Variants in NEDD9 observed in about 807,000 individuals in gnomAD.
The protein encoded by NEDD9 is neural precursor cell expressed, developmentally down-regulated 9.
In NEDD9, 26 loss-of-function variants were observed where a neutral mutation model predicts 76.6. That is an observed-to-expected ratio of 0.34 (90% CI 0.25 to 0.47). The LOEUF (loss-of-function observed/expected upper bound fraction) is 0.47, where lower values mean the gene tolerates loss of function less well. Among genes scored for constraint, NEDD9 ranks in the 20% least tolerant of loss-of-function variants. The pLI, the probability that NEDD9 is intolerant of heterozygous loss-of-function variation, is 1.00. For missense variants in NEDD9, 937 were observed against 1,058.5 expected (o/e 0.89, Z 1.59); for synonymous variants, 392 against 414.2 (o/e 0.95, Z 0.65).
intron 2 of NEDD9, among the ~76,000 whole-genome samples, chr6:11,332,544 T>C (rs1762064504): frequency 6.6e-6 from 1 of 152,244 alleles, no homozygotes; most frequent in African/African-American, 2.4e-5. Flanking sequence ...GCCTTCATTT[T>C]AGAATCATAC....
chr6:11,329,347 G>A (rs1328603903), intron 2 of NEDD9, among the ~76,000 whole-genome samples: 1 of 152,218 alleles, frequency 6.6e-6, no homozygotes, highest in East Asian at 1.9e-4. Flanking sequence ...AAGTCTCAGA[G>A]TGAAGCCCGG....
rs1041397302 is a variant in NEDD9, at chr6:11,313,555, G to C, written c.-152-7400C>G. ...AGGTGAATGGGTGGATGGATGGATA[G>C]ATGGGTGGATAGATGAATAGATGGA... is the stretch of plus-strand genomic sequence containing the variant. On this transcript the variant is annotated intron_variant, in intron 2 of 3. Coordinates refer to the NEDD9 transcript ENST00000397378. Among the ~76,000 whole-genome samples the C allele has an allele frequency of 7.6e-5, 10 of 130,954 alleles. No homozygotes were observed. The Middle Eastern group carries it at 0.011, about 141-fold the overall frequency. The allele number at this position is 130,954 out of a possible 152,430, so 85.9% of individuals were successfully genotyped here. A position where few individuals can be genotyped will look rare whatever the true frequency, so the allele number is the denominator to read the frequency against.
intron 1 of NEDD9, among the ~76,000 whole-genome samples, chr6:11,381,652 A>G (rs920673405): frequency 2.0e-5 from 3 of 152,210 alleles, no homozygotes; most frequent in African/African-American, 7.2e-5. Context: ...GACTACAGGG[A>G]TAGGACACGC....
intron 3 of NEDD9, among the ~76,000 whole-genome samples, chr6:11,265,967 T>G: frequency 6.9e-6 from 1 of 145,386 alleles, no homozygotes; most frequent in Admixed American, 7.1e-5. Flanking sequence ...CACTCATAAG[T>G]GGGAGCTAAA....
intron 1 of NEDD9, among the ~76,000 whole-genome samples, chr6:11,226,251 C>T (rs569539740): frequency 1.3e-4 from 20 of 152,050 alleles, no homozygotes; most frequent in Non-Finnish European, 2.4e-4. Context: ...AAAGTATAAA[C>T]AGGGTTTTTT....
intron 3 of NEDD9, among the ~76,000 whole-genome samples, chr6:11,261,326 T>TG (rs1367956877): frequency 6.6e-6 from 1 of 152,214 alleles, no homozygotes; most frequent in Non-Finnish European, 1.5e-5. Context: ...AACTGAGTCT[T>TG]TGGAGGATAA....
intron 2 of NEDD9, among the ~76,000 whole-genome samples, chr6:11,329,109 A>G (rs926386349): frequency 2.0e-5 from 3 of 152,240 alleles, no homozygotes; most frequent in Non-Finnish European, 4.4e-5. Flanking sequence ...TGCCTGGGTC[A>G]GAGAGAAGTG....
intron 3 of NEDD9, among the ~76,000 whole-genome samples, chr6:11,268,725 T>C (rs1760246377): frequency 7.4e-6 from 1 of 135,164 alleles, no homozygotes; most frequent in South Asian, 2.2e-4. Flanking sequence ...CGAAGCTCCA[T>C]CACACACACA....
At chr6:11,235,422 G>A (rs903272824), upstream of NEDD9, among the ~76,000 whole-genome samples, 2 of 152,130 alleles carry the variant, frequency 1.3e-5, no homozygotes, top group Non-Finnish European at 2.9e-5. This position sits in a 1 kb window ranked among gnomAD's most constrained non-coding sequence, Gnocchi z 4.1. Context: ...CATGTGCCAG[G>A]TACCTTTCTA....
chr6:11,335,270 A>C (rs1298396865), intron 1 of NEDD9, among the ~76,000 whole-genome samples: 3 of 152,214 alleles, frequency 2.0e-5, no homozygotes, highest in Non-Finnish European at 2.9e-5. Flanking sequence ...TTGGACCGAG[A>C]AGAAGCTCCA....
At chr6:11,302,272 T>C (rs1582009824) in intron 3 of NEDD9, among the ~76,000 whole-genome samples, 1 of 152,010 alleles carries the variant, frequency 6.6e-6, no homozygotes. Flanking sequence ...CTAGAAGAAA[T>C]GGATAAATTC....
In NEDD9 at chr6:11,213,271, A is replaced by G; in HGVS notation, c.459+10T>C. ...AGTAGGAACAAAAATTTAGTTAGTC[A>G]TTTACTCACCTTTTTACCCACGTGG... On this transcript the variant is annotated intron_variant, in intron 2 of 6. Coordinates refer to ENST00000379446, the MANE Select transcript of NEDD9 (RefSeq NM_006403.4). This position sits in a 1 kb window ranked among gnomAD's most constrained non-coding sequence, Gnocchi z 5.4. 6.3e-7 allele frequency: 1 copy of G among 1,577,474 alleles called. No homozygotes were observed. Among genetic ancestry groups the G allele is most frequent in the African/African-American group, 1.4e-5 (1 of 73,330 alleles).
At chr6:11,335,648 G>T (rs142204908) in intron 1 of NEDD9, among the ~76,000 whole-genome samples, 1 of 152,202 alleles carries the variant, frequency 6.6e-6, no homozygotes, top group Admixed American at 6.5e-5. Flanking sequence ...CCAGCAGTGT[G>T]CAGAAAATGC....
intron 1 of NEDD9, among the ~76,000 whole-genome samples, chr6:11,341,158 T>A (rs986755492): frequency 1.3e-5 from 2 of 152,244 alleles, no homozygotes; most frequent in African/African-American, 4.8e-5. Flanking sequence ...TTCAGACTAT[T>A]TCGTCTCCTG....
intron 1 of NEDD9, among the ~76,000 whole-genome samples, chr6:11,227,940 T>C (rs1053408838): frequency 2.0e-5 from 3 of 152,040 alleles, no homozygotes; most frequent in Admixed American, 1.3e-4. Flanking sequence ...ACTCAAGTCA[T>C]GTAAACGCAA....
intron 3 of NEDD9, among the ~76,000 whole-genome samples, chr6:11,270,714 C>T (rs568119113): frequency 2.5e-4 from 38 of 152,358 alleles, no homozygotes; most frequent in African/African-American, 8.7e-4. Flanking sequence ...TAACACAGCA[C>T]TTAGAAGGGT....
rs563397220 is a variant in NEDD9, at chr6:11,355,969, C to T, written c.-213-21408G>A. 7.7e-4 allele frequency among the ~76,000 whole-genome samples: 117 copies of T among 152,302 alleles called. 1 individual carries two copies. Among genetic ancestry groups the T allele is most frequent in the Middle Eastern group, 3.4e-3 (1 of 294 alleles). On this transcript the variant is annotated intron_variant, in intron 1 of 3. Transcript: ENST00000397378. ...ATCTCCTGACCTCGTGATCTGCCCACCTTGGCCTCCCAAAGTCCTGGGATT... is the reference window on the plus strand; with the variant it reads ...ATCTCCTGACCTCGTGATCTGCCCATCTTGGCCTCCCAAAGTCCTGGGATT...
chr6:11,317,824 G>C (rs1446374479), intron 2 of NEDD9, among the ~76,000 whole-genome samples: 1 of 152,196 alleles, frequency 6.6e-6, no homozygotes, highest in Non-Finnish European at 1.5e-5. Flanking sequence ...AGGATGTCCA[G>C]ACATTTGGGC....
chr6:11,294,355 T>C (rs920690202), intron 3 of NEDD9, among the ~76,000 whole-genome samples: 4 of 152,130 alleles, frequency 2.6e-5, no homozygotes, highest in African/African-American at 9.7e-5. Flanking sequence ...AGGGGTCTGG[T>C]GGGAAATGTT....
Sources: gnomAD v4.1 joint callset for allele counts (sites outside exome capture counted in the v4.1 genomes callset) on GRCh38, gnomAD v4.1.1 for gene constraint, Gnocchi (gnomAD v3.1) non-coding constraint, MANE v1.5 for transcripts, NCBI Gene and HGNC (gene_info 2026-07-23, HGNC 2026-07-21) for gene names.